Variants in ANK1 observed in about 807,000 individuals in gnomAD.
ANK1 encodes ankyrin 1.
Under a neutral mutation model 210.4 loss-of-function variants are expected in ANK1, and 51 were observed. The observed-to-expected ratio is 0.24, with a 90% CI of 0.19 to 0.31. ANK1 has a LOEUF of 0.31. ANK1 is among the 10% of genes least tolerant of loss of function. ANK1 has a pLI of 1.00. For missense variants in ANK1, 2,051 were observed against 2,504.4 expected (o/e 0.82, Z 3.86); for synonymous variants, 967 against 1,025.9 (o/e 0.94, Z 1.10).
chr8:41,711,984 G>A (rs1826265557), intron 16 of ANK1, among the ~76,000 whole-genome samples: 2 of 151,806 alleles, frequency 1.3e-5, no homozygotes, highest in Admixed American at 6.6e-5. Flanking sequence ...GAGTGCAGTG[G>A]TGAGACCTTG....
At position 41,803,196 on chromosome 8, in the gene ANK1, A is replaced by G. The variant is rs182538506; in HGVS notation, c.127-45059T>C. On this transcript the variant is annotated intron_variant, in intron 1 of 42. Transcript: ENST00000265709. ...GAGGGAGGGAGAGAGAGAGAGAGAA[A>G]AAAAAAGCATCAAAGCTTCTCTTGG... 6.3e-3 allele frequency among the ~76,000 whole-genome samples: 959 copies of G among 152,100 alleles called. 6 individuals are homozygous for G. The highest frequency in any genetic ancestry group is 0.021 in the African/African-American group (855 of 41,490).
chr8:41,655,320 C>G lies in ANK1; in HGVS notation c.*470G>C. The G allele has an allele frequency of 9.4e-6, 1 of 106,300 alleles. No individual in the cohort carries two copies. Among genetic ancestry groups the G allele is most frequent in the Non-Finnish European group, 2.0e-5 (1 of 51,048 alleles). 6.6% of individuals were successfully genotyped at this position (106,300 alleles called of 1,614,324 possible). On this transcript the variant is annotated 3_prime_UTR_variant, in exon 43 of 43. Transcript: ENST00000289734. ...GCCTAGTTTTCTTTTTTTTTTTTTT[C>G]TTTCCAGGAAGCCCACATGGATTTC...
chr8:41,869,324 G>A (rs942083957), intron 1 of ANK1, among the ~76,000 whole-genome samples: 2 of 152,186 alleles, frequency 1.3e-5, no homozygotes, highest in Non-Finnish European at 2.9e-5. Context: ...AATCATCAGG[G>A]ATCTTGCTTA....
At position 41,693,913 on chromosome 8, in the gene ANK1, G is replaced by C; in HGVS notation, c.3517C>G (p.Leu1173Val). Residue 1173 changes from leucine to valine, a missense_variant, in exon 29 of 43, where the codon CTT becomes GTT. Transcript: ENST00000289734. ...CCCCTCTCACCAATGACGCTGCAAA[G>C]CAGGCGCAGGCTGGTGGTGTCTCCC... is the stretch of plus-strand genomic sequence containing the variant. The part of the protein sequence containing the change: ...GEGDTTSLRL[L>V]CSVIGGTDQA... 1.2e-6 allele frequency: 2 copies of C among 1,610,600 alleles called. No homozygotes were observed. Among genetic ancestry groups the C allele is most frequent in the African/African-American group, 1.3e-5 (1 of 74,992 alleles).
At chr8:41,736,043 AT>A (rs1422929081) in intron 2 of ANK1, among the ~76,000 whole-genome samples, 2 of 152,234 alleles carry the variant, frequency 1.3e-5, no homozygotes, top group East Asian at 1.9e-4. Context: ...CCTCCTGCAG[AT>A]TTTGCACACC....
At chr8:41,817,504 T>C (rs891603997) in intron 1 of ANK1, among the ~76,000 whole-genome samples, 2 of 152,208 alleles carry the variant, frequency 1.3e-5, no homozygotes, top group Non-Finnish European at 1.5e-5. Flanking sequence ...CCCTAAGAAC[T>C]GGGTTGCAGC....
chr8:41,845,729 T>C (rs952256550), intron 1 of ANK1, among the ~76,000 whole-genome samples: 1 of 152,218 alleles, frequency 6.6e-6, no homozygotes, highest in African/African-American at 2.4e-5. Context: ...CGAAATGATC[T>C]GAGCATGAGT....
intron 1 of ANK1, among the ~76,000 whole-genome samples, chr8:41,763,325 A>G (rs182193123): frequency 2.6e-4 from 39 of 152,324 alleles, no homozygotes; most frequent in Non-Finnish European, 5.0e-4. Context: ...CCATAATAGA[A>G]TACTAAAATT....
chr8:41,890,708 CAA>C (rs557921949), intron 1 of ANK1, among the ~76,000 whole-genome samples: 4 of 62,986 alleles, frequency 6.4e-5, no homozygotes, highest in Admixed American at 1.8e-4. Context: ...GACTCCGTCT[CAA>C]AAAAAAAAAA....
chr8:41,661,557 A>G lies in ANK1; in HGVS notation c.5552T>C (p.Leu1851Pro). The G allele has an allele frequency of 6.2e-7, 1 of 1,613,808 alleles. No individual in the cohort carries two copies. The highest frequency in any genetic ancestry group is 8.5e-7 in the Non-Finnish European group (1 of 1,179,978). ...GTCCGGCTGTAGGCCACTCCCTCTC[A>G]GCTCCACCTGCAGACAGCAGCAGAG... ...DAAQEHEEVELRGSGLQPDLI... is the reference protein window; with the variant it reads ...DAAQEHEEVEPRGSGLQPDLI... Residue 1851 changes from leucine (L) to proline (P), a missense_variant, in exon 42 of 43, where the codon CTG becomes CCG. Transcript: ENST00000289734.
At chr8:41,791,580 C>T (rs990326395) in intron 1 of ANK1, among the ~76,000 whole-genome samples, 1 of 151,836 alleles carries the variant, frequency 6.6e-6, no homozygotes, top group African/African-American at 2.4e-5. Flanking sequence ...TACAGGCGCA[C>T]GCCACCATGC....
At chr8:41,805,832 G>T (rs1279792360) in intron 1 of ANK1, among the ~76,000 whole-genome samples, 1 of 152,234 alleles carries the variant, frequency 6.6e-6, no homozygotes, top group Non-Finnish European at 1.5e-5. Context: ...CATCAATGTG[G>T]TGGAATAGGT....
At position 41,739,521 on chromosome 8, in the gene ANK1, C is replaced by CTTTTTTTTTTTCTT. The variant is rs774043664; in HGVS notation, c.130-5453_130-5452insAAGAAAAAAAAAAA. Among the ~76,000 whole-genome samples the CTTTTTTTTTTTCTT allele has an allele frequency of 2.6e-5, 3 of 116,126 alleles. No individual in the cohort carries two copies. In the Admixed American group the frequency reaches 2.7e-4, roughly 11 times the overall value. The allele number at this position is 116,126 out of a possible 152,430, so 76.2% of individuals were successfully genotyped here. A position where few individuals can be genotyped will look rare whatever the true frequency, so the allele number is the denominator to read the frequency against. On this transcript the variant is annotated intron_variant, in intron 2 of 42. Transcript: ENST00000289734. ...ACAATAGTTCATTGTTTTTTTCTTT[C>CTTTTTTTTTTTCTT]TTTTTTTTTTTTTTTTTTGGTGTGT...
At chr8:41,720,007 C>A (rs566963826) in intron 9 of ANK1, 149 bp from the exon 10 acceptor site, 2 of 908,680 alleles carry the variant, frequency 2.2e-6, no homozygotes, top group Non-Finnish European at 3.5e-6. Context: ...CTGGCCTCCA[C>A]GCTCCTGCCG....
intron 16 of ANK1, among the ~76,000 whole-genome samples, chr8:41,710,166 C>T (rs1400963191): frequency 6.6e-6 from 1 of 152,162 alleles, no homozygotes; most frequent in Admixed American, 6.5e-5. Flanking sequence ...CTCCTTATCT[C>T]CCTGCAGGCA....
At chr8:41,872,620 T>C (rs1378841061) in intron 1 of ANK1, among the ~76,000 whole-genome samples, 1 of 152,246 alleles carries the variant, frequency 6.6e-6, no homozygotes, top group Non-Finnish European at 1.5e-5. Context: ...GCAGATGCAT[T>C]GCCAGCTTCC....
At chr8:41,725,611 C>A in intron 6 of ANK1, 150 bp downstream of exon 6, 1 of 1,059,360 alleles carries the variant, frequency 9.4e-7, no homozygotes, top group South Asian at 1.5e-5. Context: ...GTCCAGGGGC[C>A]CCTCTGCGTC....
chr8:41,870,736 C>A (rs527904520), intron 1 of ANK1, among the ~76,000 whole-genome samples: 1 of 152,318 alleles, frequency 6.6e-6, no homozygotes, highest in Non-Finnish European at 1.5e-5. Flanking sequence ...CCGGCACACA[C>A]GTTAGCCGAG....
intron 1 of ANK1, among the ~76,000 whole-genome samples, chr8:41,880,082 C>T (rs943935149): frequency 7.2e-5 from 11 of 152,062 alleles, no homozygotes; most frequent in African/African-American, 1.4e-4. Context: ...TTGCATAGCA[C>T]GGGAGCTGAG....
Sources: allele counts gnomAD v4.1 joint callset (sites outside exome capture counted in the v4.1 genomes callset), GRCh38; gene constraint gnomAD v4.1.1; transcripts MANE v1.5; gene names NCBI Gene and HGNC (gene_info 2026-07-23, HGNC 2026-07-21).